The following RERG variants were observed in gnomAD, a reference collection of about 807,000 sequenced individuals.
RERG encodes the protein RAS like estrogen regulated growth inhibitor.
RERG carries 25 observed loss-of-function variants against 23.2 expected under a neutral mutation model. That is an observed-to-expected ratio of 1.08 (90% confidence interval 0.79 to 1.50). RERG has a LOEUF of 1.50. Among genes scored for constraint, RERG ranks in the 40% most tolerant of loss-of-function variants. The pLI is 0.00. For synonymous variants in RERG, 81 were observed against 89.1 expected, an observed-to-expected ratio of 0.91 and a Z score of 0.51; for missense variants, 253 against 250.1, an observed-to-expected ratio of 1.01 and a Z score of -0.08.
chr12:15,193,718 G>C (rs888520215), intron 2 of RERG, among the ~76,000 whole-genome samples: 13 of 152,142 alleles, frequency 8.5e-5, no homozygotes, highest in Admixed American at 8.5e-4. Flanking sequence ...GCTGTACTTA[G>C]AGCTGGAAGA....
At chr12:15,124,017 A>C (rs1863890006) in intron 2 of RERG, among the ~76,000 whole-genome samples, 1 of 152,118 alleles carries the variant, frequency 6.6e-6, no homozygotes, top group Non-Finnish European at 1.5e-5. Flanking sequence ...CTAATTCTTC[A>C]TCATCTGTGG....
chr12:15,195,158 G>A (rs906074785), intron 2 of RERG, among the ~76,000 whole-genome samples: 1 of 152,040 alleles, frequency 6.6e-6, no homozygotes, highest in Non-Finnish European at 1.5e-5. Context: ...CTGCTGACAT[G>A]GGAAGATTCT....
At chr12:15,205,148 T>C (rs912221856) in intron 2 of RERG, among the ~76,000 whole-genome samples, 36 of 151,970 alleles carry the variant, frequency 2.4e-4, no homozygotes, top group African/African-American at 8.4e-4. Context: ...ATACATACTA[T>C]CACTGGCTGA....
At chr12:15,201,728 A>C (rs1351343943) in intron 2 of RERG, among the ~76,000 whole-genome samples, 1 of 150,890 alleles carries the variant, frequency 6.6e-6, no homozygotes, top group Non-Finnish European at 1.5e-5. Context: ...TAGTGTTAGT[A>C]ATTAGCTAAT....
At chr12:15,119,592 T>A (rs891016491) in intron 3 of RERG, among the ~76,000 whole-genome samples, 19 of 152,084 alleles carry the variant, frequency 1.2e-4, no homozygotes, top group African/African-American at 3.6e-4. Context: ...AATAATTTTT[T>A]TAAAAAATCG....
chr12:15,184,229 C>A (rs531420323), intron 2 of RERG, among the ~76,000 whole-genome samples: 1 of 152,046 alleles, frequency 6.6e-6, no homozygotes. Flanking sequence ...CTCATTCTTC[C>A]AAAATGTCTA....
At chr12:15,126,139 ATATATATATATATGTATT>A (rs1391293784) in intron 2 of RERG, among the ~76,000 whole-genome samples, 1 of 140,682 alleles carries the variant, frequency 7.1e-6, no homozygotes, top group African/African-American at 2.6e-5. Context: ...ATATATATAT[ATATATATATATATGTATT>A]TACACACATA....
intron 2 of RERG, among the ~76,000 whole-genome samples, chr12:15,192,053 G>A (rs574813659): frequency 1.4e-4 from 22 of 152,272 alleles, no homozygotes; most frequent in Admixed American, 1.4e-3. Context: ...ATGTTGAATT[G>A]TAATCCCCAG....
chr12:15,193,860 G>C (rs191298764), intron 2 of RERG, among the ~76,000 whole-genome samples: 1 of 152,060 alleles, frequency 6.6e-6, no homozygotes, highest in Admixed American at 6.6e-5. Flanking sequence ...CATTTCCCCT[G>C]GATGTGTTAT....
intron 3 of RERG, among the ~76,000 whole-genome samples, chr12:15,118,218 G>A (rs1439657303): frequency 6.6e-6 from 1 of 152,022 alleles, no homozygotes; most frequent in Non-Finnish European, 1.5e-5. Flanking sequence ...ATTTAAAAAA[G>A]TGAGTCTGAA....
At chr12:15,143,205 G>A (rs1864266466) in intron 2 of RERG, among the ~76,000 whole-genome samples, 1 of 151,970 alleles carries the variant, frequency 6.6e-6, no homozygotes, top group Non-Finnish European at 1.5e-5. Flanking sequence ...AAATTCGACG[G>A]TAATTAATGA....
At chr12:15,144,027 A>G (rs1411015873) in intron 2 of RERG, among the ~76,000 whole-genome samples, 1 of 152,118 alleles carries the variant, frequency 6.6e-6, no homozygotes, top group Non-Finnish European at 1.5e-5. Flanking sequence ...TGGAGAGCAC[A>G]AAGTAGGGCA....
chr12:15,179,491 C>A (rs1360919592), intron 2 of RERG, among the ~76,000 whole-genome samples: 1 of 152,200 alleles, frequency 6.6e-6, no homozygotes, highest in Non-Finnish European at 1.5e-5. Context: ...TCCCACCCCA[C>A]AGTGCTGCAA....
At chr12:15,211,996 C>T (rs1378405085) in intron 2 of RERG, among the ~76,000 whole-genome samples, 1 of 149,812 alleles carries the variant, frequency 6.7e-6, no homozygotes, top group South Asian at 2.1e-4. Context: ...TATCTGTGGT[C>T]CTCAAGTGGA....
chr12:15,166,572 T>TGGTGGTGGTAGG (rs1864696315), intron 2 of RERG, among the ~76,000 whole-genome samples: 1 of 151,930 alleles, frequency 6.6e-6, no homozygotes, highest in Admixed American at 6.6e-5. Context: ...TTGGTGGTGG[T>TGGTGGTGGTAGG]GGTGGTGGTA....
chr12:15,136,951 TTAC>T (rs1864153799), intron 2 of RERG, among the ~76,000 whole-genome samples: 1 of 151,992 alleles, frequency 6.6e-6, no homozygotes, highest in South Asian at 2.1e-4. Context: ...AACTATGTCC[TTAC>T]TGATTTTCTA....
At chr12:15,158,480 C>A (rs988038968) in intron 2 of RERG, among the ~76,000 whole-genome samples, 1 of 152,074 alleles carries the variant, frequency 6.6e-6, no homozygotes, top group Non-Finnish European at 1.5e-5. Flanking sequence ...TGGGGTCTCA[C>A]TGTGTTGCCC....
chr12:15,162,612 A>C (rs1032546776), intron 2 of RERG, among the ~76,000 whole-genome samples: 1 of 152,216 alleles, frequency 6.6e-6, no homozygotes, highest in Non-Finnish European at 1.5e-5. Context: ...TGAAGTGAGA[A>C]AAGGCAGCAG....
chr12:15,115,725 T>C (rs1863707964), intron 3 of RERG, among the ~76,000 whole-genome samples: 1 of 152,170 alleles, frequency 6.6e-6, no homozygotes, highest in African/African-American at 2.4e-5. Flanking sequence ...CTACCTCATG[T>C]TTCTGACTTT....
Sources: gnomAD v4.1 joint callset for allele counts (sites outside exome capture counted in the v4.1 genomes callset) on GRCh38, gnomAD v4.1.1 for gene constraint, MANE v1.5 for transcripts, NCBI Gene and HGNC (gene_info 2026-07-23, HGNC 2026-07-21) for gene names.